Variants in EEA1 observed in about 807,000 individuals in gnomAD.
EEA1 encodes the protein early endosome antigen 1.
In EEA1, 111 loss-of-function variants were observed where a neutral mutation model predicts 209.2. The ratio of observed to expected loss-of-function variants is 0.53; its 90% confidence interval spans 0.45 to 0.62. The LOEUF (loss-of-function observed/expected upper bound fraction) is 0.62. Among genes scored for constraint, EEA1 ranks in the 20% least tolerant of loss-of-function variants. EEA1 has a pLI of 0.00. For missense variants in EEA1, 1,343 were observed against 1,530.8 expected (o/e 0.88, Z 2.05); for synonymous variants, 536 against 540.6 (o/e 0.99, Z 0.12).
At chr12:92,883,672 T>C (rs967390005) in intron 2 of EEA1, 2 of 672,520 alleles carry the variant, frequency 3.0e-6, no homozygotes. Flanking sequence ...TCTATCTTAC[T>C]TTATCGTAAG....
At chr12:92,928,958 C>T in intron 1 of EEA1, 85 bp downstream of exon 1, 1 of 1,435,564 alleles carries the variant, frequency 7.0e-7, no homozygotes, top group Non-Finnish European at 9.4e-7. Context: ...AAGGAGCCCG[C>T]GCTGAGGAGG....
chr12:92,866,489 A>C (rs1565841873), intron 2 of EEA1, among the ~76,000 whole-genome samples: 1 of 152,062 alleles, frequency 6.6e-6, no homozygotes, highest in Non-Finnish European at 1.5e-5. Context: ...GTTTTATTAG[A>C]ATGTACAGCT....
chr12:92,868,639 G>C (rs1040994771), intron 2 of EEA1, among the ~76,000 whole-genome samples: 8 of 152,122 alleles, frequency 5.3e-5, no homozygotes, highest in Admixed American at 4.6e-4. Context: ...AGAAATTTCA[G>C]AAATCAGTAA....
chr12:92,888,947 C>T (rs1236233266), intron 2 of EEA1, among the ~76,000 whole-genome samples: 2 of 151,886 alleles, frequency 1.3e-5, no homozygotes, highest in African/African-American at 2.4e-5. Context: ...GTCAGAAGTT[C>T]GAGACTAGCC....
At chr12:92,913,424 G>A (rs983673792) in intron 1 of EEA1, among the ~76,000 whole-genome samples, 1 of 152,014 alleles carries the variant, frequency 6.6e-6, no homozygotes, top group South Asian at 2.1e-4. Context: ...TGTAGATTCC[G>A]GATGTTAGTC....
At chr12:92,916,989 T>C (rs1764927770) in intron 1 of EEA1, among the ~76,000 whole-genome samples, 1 of 151,090 alleles carries the variant, frequency 6.6e-6, no homozygotes, top group African/African-American at 2.5e-5. Context: ...GAAGAAAGGG[T>C]GTCAGCAATG....
intron 3 of EEA1, chr12:92,858,399 C>T: frequency 1.7e-6 from 2 of 1,159,670 alleles, no homozygotes; most frequent in Middle Eastern, 2.4e-4. Flanking sequence ...TTGTAATGTG[C>T]TGGTAGCCTT....
At position 92,773,665 on chromosome 12, in the gene EEA1, C is replaced by A. The variant is rs1406281886; in HGVS notation, c.*2346G>T. 1.3e-5 allele frequency: 2 copies of A among 151,410 alleles called. No homozygotes were observed. Among genetic ancestry groups the A allele is most frequent in the African/African-American group, 4.8e-5 (2 of 41,328 alleles). 9.4% of individuals were successfully genotyped at this position (151,410 alleles called of 1,614,324 possible). ...GTACATGCCAGCTTTAACTGACTGA[C>A]AAAATAATAGTACCAGCAAACATGT... is the stretch of plus-strand genomic sequence containing the variant. On this transcript the variant is annotated 3_prime_UTR_variant, in exon 29 of 29. Coordinates refer to ENST00000322349, the MANE Select transcript of EEA1 (RefSeq NM_003566.4).
intron 21 of EEA1, among the ~76,000 whole-genome samples, chr12:92,790,968 T>G (rs1874376468): frequency 6.6e-6 from 1 of 152,162 alleles, no homozygotes; most frequent in Non-Finnish European, 1.5e-5. Flanking sequence ...GGGCCAATAT[T>G]CAACTTTCTT....
In EEA1 at chr12:92,929,251, G is replaced by C. The variant is rs1175609213; in HGVS notation, c.-185C>G. On this transcript the variant is annotated 5_prime_UTR_variant, in exon 1 of 29. Coordinates refer to ENST00000322349, the MANE Select transcript of EEA1 (RefSeq NM_003566.4). ...CCCCACAGGCGGCGAGAGGGAGCAC[G>C]CGAGAGAGAGCGAGCGAACGACTAG... The C allele has an allele frequency of 1.2e-5, 6 of 490,334 alleles. No homozygotes were observed. The highest frequency in any genetic ancestry group is 2.1e-5 in the African/African-American group (1 of 48,434). 30.4% of individuals were successfully genotyped at this position (490,334 alleles called of 1,614,324 possible).
chr12:92,846,561 T>C (rs1877394125), intron 9 of EEA1, among the ~76,000 whole-genome samples: 1 of 152,178 alleles, frequency 6.6e-6, no homozygotes, highest in Admixed American at 6.5e-5. Flanking sequence ...TTCCATTAAA[T>C]ACTACACCAA....
intron 3 of EEA1, chr12:92,859,013 G>A: frequency 1.5e-6 from 1 of 685,296 alleles, no homozygotes; most frequent in Non-Finnish European, 2.6e-6. Context: ...GTTAAAGGAG[G>A]TCTGTGCAGA....
At chr12:92,900,951 G>A (rs1022132384) in intron 1 of EEA1, among the ~76,000 whole-genome samples, 10 of 152,070 alleles carry the variant, frequency 6.6e-5, no homozygotes, top group Non-Finnish European at 1.2e-4. Context: ...TTACAGGCGC[G>A]AGCCAACACG....
At chr12:92,849,821 A>G (rs1018310110) in intron 9 of EEA1, among the ~76,000 whole-genome samples, 1 of 152,184 alleles carries the variant, frequency 6.6e-6, no homozygotes, top group Admixed American at 6.5e-5. Context: ...ACAAAACTCT[A>G]AGGAAGAGAT....
Position 92,826,239 on chromosome 12 carries a change from T to C in EEA1, c.1451A>G (p.Asp484Gly), listed in dbSNP as rs1274359438. The C allele has an allele frequency of 3.1e-6, 5 of 1,613,500 alleles. No individual in the cohort carries two copies. The highest frequency in any genetic ancestry group is 4.2e-6 in the Non-Finnish European group (5 of 1,179,598). Residue 484 changes from aspartate to glycine, a missense_variant, in exon 13 of 29, where the codon GAT (aspartate) becomes GGT (glycine). Physicochemically the swap from Asp to Gly is moderately conservative, Grantham distance 94. Around this residue, in one of 3 missense-constraint regions of EEA1, gnomAD observed 1,307 missense variants for 1,465.5 expected, o/e 0.89. Coordinates refer to ENST00000322349, the MANE Select transcript of EEA1 (RefSeq NM_003566.4). ...TTCTTGATGCTGTTGCTTTGTTTTA[T>C]CTAATTGATGCTGCAATTCTGTAGA... is the stretch of plus-strand genomic sequence containing the variant. ...TNSTELQHQL[D>G]KTKQQHQEQQ...
intron 15 of EEA1, among the ~76,000 whole-genome samples, chr12:92,813,806 C>T (rs1024300245): frequency 2.0e-5 from 3 of 151,942 alleles, no homozygotes; most frequent in Non-Finnish European, 2.9e-5. Context: ...CAAGGTCAAG[C>T]GATCGAGACT....
At chr12:92,879,869 C>T in intron 2 of EEA1, among the ~76,000 whole-genome samples, 1 of 152,220 alleles carries the variant, frequency 6.6e-6, no homozygotes, top group Admixed American at 6.5e-5. Context: ...CCCTTCTGAT[C>T]ACAGGGACCA....
rs1351306454 is a variant in EEA1, at chr12:92,825,047, T to C, written c.1524+1119A>G. Among the ~76,000 whole-genome samples, 3 of 152,228 alleles carry C rather than the reference T, an allele frequency of 2.0e-5. 1 individual carries two copies. Among genetic ancestry groups the C allele is most frequent in the Non-Finnish European group, 4.4e-5 (3 of 68,042 alleles). On this transcript the variant is annotated intron_variant, in intron 13 of 28. Coordinates refer to ENST00000322349, the MANE Select transcript of EEA1 (RefSeq NM_003566.4). Reference sequence around the variant, plus strand: ...CTCCCTCAAACTGCAATATTGTTTCTACATATATATCATTAGATTGCCATC... The same window carrying C: ...CTCCCTCAAACTGCAATATTGTTTCCACATATATATCATTAGATTGCCATC...
At chr12:92,901,589 C>T (rs1232307141) in intron 1 of EEA1, among the ~76,000 whole-genome samples, 15 of 148,448 alleles carry the variant, frequency 1.0e-4, no homozygotes, top group South Asian at 2.1e-4. Flanking sequence ...TTTTTTGAGA[C>T]GGAGTTTCAC....
Sources: allele counts gnomAD v4.1 joint callset (sites outside exome capture counted in the v4.1 genomes callset), GRCh38; gene constraint gnomAD v4.1.1; regional missense constraint gnomAD v4.1.1; transcripts MANE v1.5; gene names NCBI Gene and HGNC (gene_info 2026-07-23, HGNC 2026-07-21).